NALF1: variants seen among roughly 807,000 people sequenced by gnomAD.
NALF1 encodes the protein family with sequence similarity 155 member A.
A neutral mutation model predicts 48.4 loss-of-function variants in NALF1; 3 were observed. The ratio of observed to expected loss-of-function variants is 0.06; its 90% CI spans 0.03 to 0.16. NALF1 has a LOEUF of 0.16. Ranked by LOEUF, NALF1 falls within the 10% of genes least tolerant of loss-of-function variation. NALF1 has a pLI of 1.00. For synonymous variants in NALF1, 262 were observed against 245.7 expected (o/e 1.07, Z -0.62); for missense variants, 526 against 571.5 (o/e 0.92, Z 0.81).
chr13:107,343,092 C>CAG (rs1480761530), intron 1 of NALF1, among the ~76,000 whole-genome samples: 1 of 152,188 alleles, frequency 6.6e-6, no homozygotes, highest in East Asian at 1.9e-4. Flanking sequence ...CTTAAGTTCA[C>CAG]AGAGAATGTC....
rs1040833664 is a variant in NALF1, at chr13:107,866,813, T to G, written c.-217A>C. 1 of 571,956 alleles carries G rather than the reference T, an allele frequency of 1.7e-6. No homozygotes were observed. 35.4% of individuals were successfully genotyped at this position (571,956 alleles called of 1,614,324 possible). ...TCTCTCTCTGTCTCTTTTGCCTACA[T>G]AAATATTACCAGGCTTTGAAGGAAG... On this transcript the variant is annotated 5_prime_UTR_variant, in exon 1 of 3. An upstream start codon of the reference 5' UTR is lost. Coordinates refer to ENST00000375915, the MANE Select transcript of NALF1 (RefSeq NM_001080396.3). This position sits in a 1 kb window ranked among gnomAD's most constrained non-coding sequence, Gnocchi z 4.4.
rs1036531606 is a variant in NALF1, at chr13:107,817,881, A to T, written c.915+47801T>A. ...TATTTGCATCATAGTAGCGCAGCCC[A>T]AAGGCTTTTGTTTTTATATCCATCC... On this transcript the variant is annotated intron_variant, in intron 1 of 2. Transcript: ENST00000375915. Among the ~76,000 whole-genome samples the T allele has an allele frequency of 3.9e-5, 6 of 152,264 alleles. 1 individual carries two copies. The highest frequency in any genetic ancestry group is 2.0e-4 in the Admixed American group (3 of 15,294).
At chr13:107,492,877 G>A (rs987746061) in intron 1 of NALF1, among the ~76,000 whole-genome samples, 1 of 151,990 alleles carries the variant, frequency 6.6e-6, no homozygotes, top group Non-Finnish European at 1.5e-5. Context: ...AAACATCTGT[G>A]ACCAAAAAAA....
chr13:107,540,049 TAC>T (rs143201791), intron 1 of NALF1, among the ~76,000 whole-genome samples: 42 of 149,156 alleles, frequency 2.8e-4, no homozygotes, highest in Non-Finnish European at 3.9e-4. Flanking sequence ...GCTTCTGATG[TAC>T]ACACACACAC....
intron 1 of NALF1, among the ~76,000 whole-genome samples, chr13:107,429,365 G>A (rs1449621170): frequency 5.3e-5 from 8 of 151,652 alleles, no homozygotes; most frequent in Admixed American, 3.3e-4. Flanking sequence ...ATAGTTCCAT[G>A]TGTTTATTAT....
At chr13:107,263,276 AC>A (rs1566467973) in intron 1 of NALF1, among the ~76,000 whole-genome samples, 8 of 151,692 alleles carry the variant, frequency 5.3e-5, no homozygotes, top group Non-Finnish European at 8.8e-5. Flanking sequence ...ACACACACAC[AC>A]ACACACACAC....
Position 107,236,691 on chromosome 13 carries a change from A to G in NALF1, c.916-25936T>C, listed in dbSNP as rs141749486. On this transcript the variant is annotated intron_variant, in intron 1 of 2. Coordinates refer to ENST00000375915, the MANE Select transcript of NALF1 (RefSeq NM_001080396.3). ...TGTCTGTCTATCTATCTATCTATCTATCTATCTATCTATCTATCTATCTAT... is the reference window on the plus strand; with the variant it reads ...TGTCTGTCTATCTATCTATCTATCTGTCTATCTATCTATCTATCTATCTAT... Among the ~76,000 whole-genome samples the G allele has an allele frequency of 6.8e-3, 994 of 145,162 alleles. 2 individuals carry two copies. Among genetic ancestry groups the G allele is most frequent in the East Asian group, 8.3e-3 (41 of 4,948 alleles).
At chr13:107,228,038 G>C (rs1880141112) in intron 1 of NALF1, among the ~76,000 whole-genome samples, 1 of 152,146 alleles carries the variant, frequency 6.6e-6, no homozygotes, top group Admixed American at 6.5e-5. Context: ...GTTATGTAAA[G>C]AGCATACACC....
chr13:107,492,293 C>T (rs1216910547), intron 1 of NALF1, among the ~76,000 whole-genome samples: 4 of 152,094 alleles, frequency 2.6e-5, no homozygotes, highest in Non-Finnish European at 5.9e-5. Flanking sequence ...AGGTGATCAG[C>T]CCGCTTCGGC....
Position 107,200,331 on chromosome 13 carries a change from T to G in NALF1, c.1087+10253A>C, listed in dbSNP as rs1172627311. Among the ~76,000 whole-genome samples, 6 of 151,912 alleles carry G rather than the reference T, an allele frequency of 3.9e-5. 1 individual carries two copies. In the East Asian group the frequency reaches 7.8e-4, roughly 20 times the overall value. Reference sequence around the variant, plus strand: ...ACATGCTGGGTGGCTATATCTGGGGTGTTGGGTCCCAAAGAGGAAGTGATG... The same window carrying G: ...ACATGCTGGGTGGCTATATCTGGGGGGTTGGGTCCCAAAGAGGAAGTGATG... On this transcript the variant is annotated intron_variant, in intron 2 of 2. Transcript: ENST00000375915.
In NALF1 at chr13:107,814,743, C is replaced by T. The variant is rs77663726; in HGVS notation, c.915+50939G>A. ...ATTCAAAAACAATAATTGGACATGG[C>T]AATACTCTATTTTTAATAATTGATA... On this transcript the variant is annotated intron_variant, in intron 1 of 2. Transcript: ENST00000375915. Among the ~76,000 whole-genome samples, 741 of 152,074 alleles carry T rather than the reference C, an allele frequency of 4.9e-3. 6 individuals are homozygous for T. Among genetic ancestry groups the T allele is most frequent in the African/African-American group, 0.017 (711 of 41,496 alleles).
chr13:107,307,511 G>C (rs1403145660), intron 1 of NALF1, among the ~76,000 whole-genome samples: 1 of 148,304 alleles, frequency 6.7e-6, no homozygotes, highest in Admixed American at 6.8e-5. Flanking sequence ...ACCGAGTCTC[G>C]CTCTGTCACC....
chr13:107,562,887 G>A (rs1877688557), intron 1 of NALF1, among the ~76,000 whole-genome samples: 1 of 152,130 alleles, frequency 6.6e-6, no homozygotes, highest in Non-Finnish European at 1.5e-5. Flanking sequence ...CAGTTCCCAT[G>A]AGGAGTTTCC....
At chr13:107,467,558 C>T (rs1885025019) in intron 1 of NALF1, among the ~76,000 whole-genome samples, 1 of 152,028 alleles carries the variant, frequency 6.6e-6, no homozygotes, top group Non-Finnish European at 1.5e-5. Flanking sequence ...TACTGAAATC[C>T]ATAATAAAAA....
At chr13:107,467,697 CA>C (rs2139049090) in intron 1 of NALF1, among the ~76,000 whole-genome samples, 1 of 152,232 alleles carries the variant, frequency 6.6e-6, no homozygotes, top group Admixed American at 6.5e-5. Context: ...AGTGAAAAGT[CA>C]AATACTTTAA....
intron 1 of NALF1, among the ~76,000 whole-genome samples, chr13:107,578,747 T>A (rs1401352937): frequency 1.3e-5 from 2 of 152,214 alleles, no homozygotes; most frequent in South Asian, 2.1e-4. Flanking sequence ...GCTAATCTTC[T>A]AAGTAGCATC....
chr13:107,414,167 C>A (rs972438664), intron 1 of NALF1, among the ~76,000 whole-genome samples: 1 of 151,950 alleles, frequency 6.6e-6, no homozygotes, highest in Non-Finnish European at 1.5e-5. Context: ...AGCATATAAT[C>A]ATTAAAAAAC....
At chr13:107,585,737 T>C (rs935570528) in intron 1 of NALF1, among the ~76,000 whole-genome samples, 12 of 152,074 alleles carry the variant, frequency 7.9e-5, no homozygotes, top group Admixed American at 6.6e-4. Context: ...GGACAATAAA[T>C]ACCTCAGAAC....
At chr13:107,860,196 T>C (rs1321751707) in intron 1 of NALF1, among the ~76,000 whole-genome samples, 2 of 152,182 alleles carry the variant, frequency 1.3e-5, no homozygotes, top group Admixed American at 6.5e-5. Context: ...TTCTAGCACA[T>C]TCCCTAACTC....
Sources: allele counts gnomAD v4.1 joint callset (sites outside exome capture counted in the v4.1 genomes callset), GRCh38; gene constraint gnomAD v4.1.1; non-coding constraint Gnocchi (gnomAD v3.1); transcripts MANE v1.5; gene names NCBI Gene and HGNC (gene_info 2026-07-23, HGNC 2026-07-21).